The following KCTD8 variants were observed in gnomAD, a reference collection of about 807,000 sequenced individuals.
The protein encoded by KCTD8 is potassium channel tetramerization domain containing 8.
KCTD8 carries 27 observed loss-of-function variants against 31.5 expected under a neutral mutation model. That is an observed-to-expected ratio of 0.86 (90% confidence interval 0.63 to 1.18). The LOEUF is 1.18. Among genes scored for constraint, KCTD8 ranks in the 50% most tolerant of loss-of-function variants. The probability of loss-of-function intolerance (pLI) is 0.00; values close to 1 mark genes in which losing one functional copy is unlikely to be tolerated. For missense variants in KCTD8, 658 were observed against 647.7 expected (o/e 1.02, Z -0.17); for synonymous variants, 290 against 280.0 (o/e 1.04, Z -0.36).
At chr4:44,284,503 T>C (rs1404975201) in intron 1 of KCTD8, among the ~76,000 whole-genome samples, 1 of 152,192 alleles carries the variant, frequency 6.6e-6, no homozygotes, top group Non-Finnish European at 1.5e-5. Context: ...ATGTAAGATC[T>C]AGGATCACAA....
At chr4:44,422,316 G>A (rs1330676738) in intron 1 of KCTD8, among the ~76,000 whole-genome samples, 2 of 152,002 alleles carry the variant, frequency 1.3e-5, no homozygotes, top group African/African-American at 4.8e-5. Context: ...AGTTGTTGGA[G>A]TGTGTACCTT....
rs551369344 is a variant in KCTD8 at position 44,308,650 on chromosome 4, T to C, written c.962-133400A>G. On this transcript the variant is annotated intron_variant, in intron 1 of 1. Transcript: ENST00000360029. The stretch of plus-strand genomic sequence containing the variant: ...TAAATGAGAGTGACTAGGTGTAATC[T>C]ATGCTCACATCTTATTTAAGGTTTA... 2.1e-4 allele frequency among the ~76,000 whole-genome samples: 32 copies of C among 152,246 alleles called. No individual in the cohort carries two copies. The South Asian group carries it at 6.4e-3, about 31-fold the overall frequency.
At chr4:44,275,528 T>C (rs1406238442) in intron 1 of KCTD8, among the ~76,000 whole-genome samples, 2 of 152,050 alleles carry the variant, frequency 1.3e-5, no homozygotes, top group African/African-American at 2.4e-5. Context: ...TAGTCATCTA[T>C]AAACTGTACA....
chr4:44,348,564 A>G (rs140900270), intron 1 of KCTD8, among the ~76,000 whole-genome samples: 2 of 152,292 alleles, frequency 1.3e-5, no homozygotes, highest in East Asian at 3.9e-4. Context: ...TGTCTTCACT[A>G]CTGTAAGTTT....
At chr4:44,190,899 T>C (rs1456355452) in intron 1 of KCTD8, among the ~76,000 whole-genome samples, 1 of 152,190 alleles carries the variant, frequency 6.6e-6, no homozygotes, top group Non-Finnish European at 1.5e-5. Context: ...TAAATGTAGG[T>C]ATTTTATTAG....
At chr4:44,397,844 T>C (rs1279854675) in intron 1 of KCTD8, among the ~76,000 whole-genome samples, 1 of 152,140 alleles carries the variant, frequency 6.6e-6, no homozygotes, top group Non-Finnish European at 1.5e-5. Flanking sequence ...AACTTTTCTT[T>C]CAAGTAAAAT....
At chr4:44,213,556 A>G (rs1171751542) in intron 1 of KCTD8, among the ~76,000 whole-genome samples, 4 of 152,178 alleles carry the variant, frequency 2.6e-5, no homozygotes, top group Non-Finnish European at 5.9e-5. Context: ...GAATTTTCCA[A>G]TTAATCATCT....
intron 1 of KCTD8, among the ~76,000 whole-genome samples, chr4:44,306,669 T>A (rs1411012283): frequency 6.6e-6 from 1 of 151,992 alleles, no homozygotes; most frequent in African/African-American, 2.4e-5. Flanking sequence ...GGAAGATTGT[T>A]AAAAATGCAT....
intron 1 of KCTD8, among the ~76,000 whole-genome samples, chr4:44,197,996 A>G (rs1353666285): frequency 6.6e-6 from 1 of 152,234 alleles, no homozygotes; most frequent in Non-Finnish European, 1.5e-5. Context: ...CACTTAAAAA[A>G]TTCATAATAC....
chr4:44,264,950 C>A (rs1366824926), intron 1 of KCTD8, among the ~76,000 whole-genome samples: 1 of 152,220 alleles, frequency 6.6e-6, no homozygotes, highest in Non-Finnish European at 1.5e-5. Context: ...GTAGGCTCCA[C>A]CTCTGGGGGC....
intron 1 of KCTD8, among the ~76,000 whole-genome samples, chr4:44,219,443 A>G (rs986301699): frequency 1.3e-5 from 2 of 152,198 alleles, no homozygotes; most frequent in African/African-American, 4.8e-5. Context: ...CTCTAATCCA[A>G]TGACTGGTCT....
intron 1 of KCTD8, among the ~76,000 whole-genome samples, chr4:44,445,376 C>G (rs1458293496): frequency 6.6e-6 from 1 of 152,132 alleles, no homozygotes; most frequent in Non-Finnish European, 1.5e-5. Flanking sequence ...AATAGGTTGC[C>G]TCCTTAGATT....
chr4:44,292,992 C>T (rs1438801633), intron 1 of KCTD8, among the ~76,000 whole-genome samples: 1 of 152,054 alleles, frequency 6.6e-6, no homozygotes, highest in Non-Finnish European at 1.5e-5. Flanking sequence ...TCCTTGTAAA[C>T]AAATTTCTAC....
intron 1 of KCTD8, among the ~76,000 whole-genome samples, chr4:44,292,606 A>G (rs1370654321): frequency 2.6e-5 from 4 of 152,054 alleles, no homozygotes; most frequent in African/African-American, 9.7e-5. Flanking sequence ...CTGCACCTTT[A>G]CCCTCTGAAT....
At chr4:44,248,060 C>G (rs892309993) in intron 1 of KCTD8, among the ~76,000 whole-genome samples, 2 of 151,868 alleles carry the variant, frequency 1.3e-5, no homozygotes, top group Admixed American at 1.3e-4. Flanking sequence ...TGGTCTTGCC[C>G]TGTTCAAATC....
At chr4:44,264,417 T>C (rs1176958054) in intron 1 of KCTD8, among the ~76,000 whole-genome samples, 1 of 152,160 alleles carries the variant, frequency 6.6e-6, no homozygotes, top group African/African-American at 2.4e-5. Context: ...TCTAGGCTCA[T>C]CAGAGTGTCA....
chr4:44,223,578 A>G (rs1462901454), intron 1 of KCTD8, among the ~76,000 whole-genome samples: 1 of 152,232 alleles, frequency 6.6e-6, no homozygotes, highest in African/African-American at 2.4e-5. Context: ...TCTTTTCAAT[A>G]AAAAGGGAAT....
At chr4:44,350,834 G>C (rs1037061446) in intron 1 of KCTD8, among the ~76,000 whole-genome samples, 1 of 151,994 alleles carries the variant, frequency 6.6e-6, no homozygotes. Flanking sequence ...CTAAGTCCTT[G>C]AAAGGGCTGT....
intron 1 of KCTD8, among the ~76,000 whole-genome samples, chr4:44,276,246 T>C (rs370812341): frequency 1.3e-5 from 2 of 152,026 alleles, no homozygotes; most frequent in African/African-American, 2.4e-5. Context: ...GAAAACACTT[T>C]TCATTCAACT....
Sources: allele counts gnomAD v4.1 joint callset (sites outside exome capture counted in the v4.1 genomes callset), GRCh38; gene constraint gnomAD v4.1.1; transcripts MANE v1.5; gene names NCBI Gene and HGNC (gene_info 2026-07-23, HGNC 2026-07-21).